The following CACNA1E variants were observed in gnomAD, a reference collection of about 807,000 sequenced individuals.
CACNA1E encodes voltage-dependent R-type calcium channel subunit alpha-1E.
In CACNA1E, 40 loss-of-function variants were observed where a neutral mutation model predicts 259.2. That is an observed-to-expected ratio of 0.15 (90% CI 0.12 to 0.20). The LOEUF (loss-of-function observed/expected upper bound fraction) is 0.20, where lower values mean the gene tolerates loss of function less well. CACNA1E is among the 10% of genes least tolerant of loss of function. The pLI is 1.00. For missense variants in CACNA1E, 1,874 were observed against 3,040.1 expected (o/e 0.62, Z 9.02); for synonymous variants, 1,104 against 1,138.5 (o/e 0.97, Z 0.61).
intron 2 of CACNA1E, among the ~76,000 whole-genome samples, chr1:181,473,244 T>C (rs906988019): frequency 6.6e-6 from 1 of 151,402 alleles, no homozygotes; most frequent in Non-Finnish European, 1.5e-5. Context: ...TGCAGATAGC[T>C]AACTGAGGCT....
At chr1:181,568,477 G>T (rs1184030344) in intron 3 of CACNA1E, among the ~76,000 whole-genome samples, 1 of 152,184 alleles carries the variant, frequency 6.6e-6, no homozygotes, top group African/African-American at 2.4e-5. Context: ...GTGTTCCATT[G>T]CCAAATTTAA....
At chr1:181,582,592 G>A (rs555534621) in intron 6 of CACNA1E, among the ~76,000 whole-genome samples, 1 of 152,280 alleles carries the variant, frequency 6.6e-6, no homozygotes, top group Non-Finnish European at 1.5e-5. Flanking sequence ...AGATTCAGAT[G>A]GTACTGAGAG....
At chr1:181,360,087 C>T (rs1306756938) in intron 1 of CACNA1E, among the ~76,000 whole-genome samples, 1 of 152,168 alleles carries the variant, frequency 6.6e-6, no homozygotes, top group South Asian at 2.1e-4. Flanking sequence ...TCCATGACAC[C>T]TCGGGCCATA....
intron 5 of CACNA1E, 95 bp downstream of exon 5, chr1:181,579,319 T>C: frequency 2.0e-6 from 2 of 1,004,666 alleles, no homozygotes; most frequent in Non-Finnish European, 2.9e-6. Context: ...GAAAAGTATG[T>C]CCTATTCTGA....
chr1:181,421,650 C>T (rs909838025), intron 2 of CACNA1E, among the ~76,000 whole-genome samples: 2 of 152,186 alleles, frequency 1.3e-5, no homozygotes, highest in Non-Finnish European at 2.9e-5. Context: ...ACCACTATTT[C>T]TCCAGTTGTC....
intron 7 of CACNA1E, among the ~76,000 whole-genome samples, chr1:181,653,765 A>T (rs1658959624): frequency 6.6e-6 from 1 of 152,202 alleles, no homozygotes; most frequent in Non-Finnish European, 1.5e-5. Context: ...ATGATCTCTT[A>T]TTTGAACATC....
rs1283403304 is a variant in CACNA1E, at chr1:181,577,838, G to A, written c.585G>A (p.Leu195=). 6.2e-7 allele frequency: 1 copy of A among 1,611,366 alleles called. No homozygotes were observed. Among genetic ancestry groups the A allele is most frequent in the African/African-American group, 1.3e-5 (1 of 74,892 alleles). The change falls in exon 4 of 48, where the codon CTG becomes CTA. Residue 195 remains leucine (L), a synonymous_variant. Coordinates refer to ENST00000367573, the MANE Select transcript of CACNA1E (RefSeq NM_001205293.3). ...DLRTLRAVRV[L]RPLKLVSGIP... is the part of the protein sequence containing the mutation. The stretch of plus-strand genomic sequence containing the variant: ...GGACCCTCCGGGCTGTGCGTGTCCT[G>A]CGGCCTTTGAAGCTCGTGTCAGGGA...
Position 181,755,941 on chromosome 1 carries a change from C to T in CACNA1E, c.3990-15C>T. The T allele has an allele frequency of 6.2e-7, 1 of 1,610,760 alleles. No homozygotes were observed. ...ATAGTGAGGAGGCTCTCTTTCATTT[C>T]TGCTCTGGTTTTAGAGGCAACTATG... On this transcript the variant is annotated splice_polypyrimidine_tract_variant and intron_variant, in intron 28 of 47. Coordinates refer to ENST00000367573, the MANE Select transcript of CACNA1E (RefSeq NM_001205293.3).
chr1:181,513,764 G>A (rs1478455236), intron 3 of CACNA1E, among the ~76,000 whole-genome samples: 6 of 152,148 alleles, frequency 3.9e-5, no homozygotes, highest in Non-Finnish European at 7.4e-5. Context: ...GCCAAGAAGG[G>A]CCCCTGGGTC....
intron 25 of CACNA1E, among the ~76,000 whole-genome samples, chr1:181,741,599 G>T (rs1656581655): frequency 6.6e-6 from 1 of 152,226 alleles, no homozygotes; most frequent in South Asian, 2.1e-4. Flanking sequence ...AACCAGGCTG[G>T]TGTGTTGGTG....
intron 3 of CACNA1E, among the ~76,000 whole-genome samples, chr1:181,542,572 AG>A (rs1380119621): frequency 6.6e-6 from 1 of 152,022 alleles, no homozygotes; most frequent in East Asian, 1.9e-4. Context: ...TGGTTTTATA[AG>A]GGGCTCTTCC....
At chr1:181,331,461 G>C (rs1651255417) in intron 1 of CACNA1E, among the ~76,000 whole-genome samples, 1 of 152,156 alleles carries the variant, frequency 6.6e-6, no homozygotes, top group Non-Finnish European at 1.5e-5. Flanking sequence ...TGTCCAAGGA[G>C]AGGGGAGGAA....
intron 7 of CACNA1E, among the ~76,000 whole-genome samples, chr1:181,686,982 G>A (rs1650646608): frequency 6.6e-6 from 1 of 151,950 alleles, no homozygotes; most frequent in Non-Finnish European, 1.5e-5. Flanking sequence ...TACTGGCTCT[G>A]TAGATATTGT....
At chr1:181,402,581 A>G (rs540952860) in intron 1 of CACNA1E, among the ~76,000 whole-genome samples, 7 of 152,296 alleles carry the variant, frequency 4.6e-5, no homozygotes, top group Admixed American at 2.6e-4. Flanking sequence ...CTCCGTCCCC[A>G]TGCAGTACTG....
chr1:181,590,422 T>A (rs994161703), intron 6 of CACNA1E, among the ~76,000 whole-genome samples: 5 of 145,306 alleles, frequency 3.4e-5, no homozygotes, highest in Admixed American at 2.1e-4. Context: ...AAAAAATATA[T>A]ATATATATAT....
chr1:181,357,999 G>A (rs1653582604), intron 1 of CACNA1E, among the ~76,000 whole-genome samples: 1 of 152,180 alleles, frequency 6.6e-6, no homozygotes, highest in Admixed American at 6.5e-5. Flanking sequence ...TGCTGGTGGA[G>A]CGTTCTGTCT....
intron 3 of CACNA1E, among the ~76,000 whole-genome samples, chr1:181,515,711 G>A (rs1388524706): frequency 6.6e-6 from 1 of 152,192 alleles, no homozygotes; most frequent in Non-Finnish European, 1.5e-5. Flanking sequence ...ACCTGGAGCA[G>A]ATGGACAGAT....
chr1:181,619,618 T>A (rs1008268742), intron 6 of CACNA1E, among the ~76,000 whole-genome samples: 2 of 152,022 alleles, frequency 1.3e-5, no homozygotes, highest in African/African-American at 4.8e-5. Flanking sequence ...AGGAGACCAG[T>A]TAGGAGGCAA....
intron 12 of CACNA1E, among the ~76,000 whole-genome samples, chr1:181,718,666 A>ACACACACC (rs1491443910): frequency 7.7e-6 from 1 of 129,450 alleles, no homozygotes; most frequent in Non-Finnish European, 1.7e-5. Context: ...ACACACACAC[A>ACACACACC]CCCTTATATT....
Sources: gnomAD v4.1 joint callset for allele counts (sites outside exome capture counted in the v4.1 genomes callset) on GRCh38, gnomAD v4.1.1 for gene constraint, MANE v1.5 for transcripts, NCBI Gene and HGNC (gene_info 2026-07-23, HGNC 2026-07-21) for gene names.